The following WDR70 variants were observed in gnomAD, a reference collection of about 807,000 sequenced individuals.
WDR70 encodes WD repeat-containing protein 70.
In WDR70, 53 loss-of-function variants were observed where a neutral mutation model predicts 88.6. The ratio of observed to expected loss-of-function variants is 0.60; its 90% confidence interval spans 0.48 to 0.75. WDR70 has a LOEUF of 0.75. Ranked by LOEUF, WDR70 falls within the 30% of genes least tolerant of loss-of-function variation. The pLI, the probability that WDR70 is intolerant of heterozygous loss-of-function variation, is 0.00. For synonymous variants in WDR70, 280 were observed against 270.0 expected, an observed-to-expected ratio of 1.04 and a Z score of -0.36; for missense variants, 610 against 823.2, an observed-to-expected ratio of 0.74 and a Z score of 3.17.
At position 37,579,606 on chromosome 5, in the gene WDR70, AT is replaced by A. The variant is rs1235349388; in HGVS notation, c.918-25456del. ...TCAAAAAAAAAAAAAAAAAAAAAAA[AT>A]TCCAATTCTGACAATGAACAATTAG... On this transcript the variant is annotated intron_variant, in intron 9 of 17. Coordinates refer to ENST00000265107, the MANE Select transcript of WDR70 (RefSeq NM_018034.4). Among the ~76,000 whole-genome samples the A allele has an allele frequency of 6.1e-3, 873 of 143,018 alleles. 6 individuals are homozygous for A. Among genetic ancestry groups the A allele is most frequent in the African/African-American group, 0.021 (794 of 38,544 alleles). 93.8% of individuals were successfully genotyped at this position (143,018 alleles called of 152,430 possible).
intron 13 of WDR70, among the ~76,000 whole-genome samples, chr5:37,707,948 A>AAAATATAT (rs1561083728): frequency 5.9e-5 from 2 of 33,772 alleles, no homozygotes; most frequent in African/African-American, 1.0e-4. Flanking sequence ...AAAAAAAAAA[A>AAAATATAT]ATATATATAT....
intron 13 of WDR70, among the ~76,000 whole-genome samples, chr5:37,713,153 G>A (rs1380612443): frequency 6.6e-6 from 1 of 152,104 alleles, no homozygotes; most frequent in Non-Finnish European, 1.5e-5. Flanking sequence ...CTTTTCCTAT[G>A]ACCACCTATT....
At chr5:37,401,382 C>T (rs1004673560) in intron 5 of WDR70, among the ~76,000 whole-genome samples, 2 of 148,288 alleles carry the variant, frequency 1.3e-5, no homozygotes, top group Admixed American at 1.4e-4. Flanking sequence ...GTGGTGCAAT[C>T]TCGGCTCACT....
At chr5:37,704,662 A>G (rs1035158569) in intron 13 of WDR70, among the ~76,000 whole-genome samples, 1 of 152,210 alleles carries the variant, frequency 6.6e-6, no homozygotes, top group Non-Finnish European at 1.5e-5. Flanking sequence ...TGTTCACTGC[A>G]GTATCCTCGA....
intron 9 of WDR70, among the ~76,000 whole-genome samples, chr5:37,541,182 T>C (rs909828349): frequency 2.6e-5 from 4 of 152,340 alleles, no homozygotes; most frequent in Non-Finnish European, 5.9e-5. Flanking sequence ...GTGAGTGACT[T>C]AACCCATTTT....
intron 10 of WDR70, among the ~76,000 whole-genome samples, chr5:37,674,344 T>C (rs1746131071): frequency 6.6e-6 from 1 of 152,110 alleles, no homozygotes; most frequent in Non-Finnish European, 1.5e-5. Flanking sequence ...TAACTCGTCA[T>C]TTAGCATTAG....
In WDR70 at chr5:37,462,641, A is replaced by C. The variant is rs1739042928; in HGVS notation, c.687-17193A>C. On this transcript the variant is annotated intron_variant, in intron 7 of 17. Coordinates refer to ENST00000265107, the MANE Select transcript of WDR70 (RefSeq NM_018034.4). ...GTAAGTCTTGAGTATTTTGGTTAGC[A>C]ATAATTAAGACATGTACTAAACATA... Among the ~76,000 whole-genome samples, 3 of 152,250 alleles carry C rather than the reference A, an allele frequency of 2.0e-5. No homozygotes were observed. In the South Asian group the frequency reaches 6.2e-4, roughly 32 times the overall value.
chr5:37,398,223 A>G (rs1377247779), intron 5 of WDR70, among the ~76,000 whole-genome samples: 1 of 150,958 alleles, frequency 6.6e-6, no homozygotes, highest in Non-Finnish European at 1.5e-5. Flanking sequence ...TGAGTAGCTG[A>G]GACTACAGGC....
chr5:37,659,586 A>G (rs1457228465), intron 10 of WDR70, among the ~76,000 whole-genome samples: 1 of 152,210 alleles, frequency 6.6e-6, no homozygotes, highest in Non-Finnish European at 1.5e-5. Flanking sequence ...GGCTGCCATA[A>G]CAAAATACTT....
At chr5:37,389,951 A>G (rs1748760663) in intron 3 of WDR70, among the ~76,000 whole-genome samples, 2 of 152,048 alleles carry the variant, frequency 1.3e-5, no homozygotes, top group South Asian at 4.1e-4. Context: ...CTCATCCTCC[A>G]TGTCCCAGCA....
At position 37,483,832 on chromosome 5, in the gene WDR70, C is replaced by G. The variant is rs377538023; in HGVS notation, c.840+3845C>G. 5.8e-3 allele frequency among the ~76,000 whole-genome samples: 880 copies of G among 152,216 alleles called. 2 individuals carry two copies. Among genetic ancestry groups the G allele is most frequent in the Middle Eastern group, 0.02 (6 of 294 alleles). ...GGCCGGGCAGAGGGGCTCCTCACTT[C>G]TCAGACGGGGCGGCTGCCGGGTGGA... On this transcript the variant is annotated intron_variant, in intron 8 of 17. Transcript: ENST00000265107.
rs750258721 is a variant in WDR70, at chr5:37,722,942, G to A, written c.1597+8G>A. ...AGGACTACATCATCACCCGTAAGTC[G>A]TTAACATGCCTCTCAATCATGCATC... is the stretch of plus-strand genomic sequence containing the variant. On this transcript the variant is annotated splice_region_variant and intron_variant, in intron 15 of 17. Transcript: ENST00000265107. 27 of 1,613,232 alleles carry A rather than the reference G, an allele frequency of 1.7e-5. No homozygotes were observed. The East Asian group carries it at 2.2e-4, about 13-fold the overall frequency.
intron 8 of WDR70, chr5:37,506,820 T>C (rs1350544379): frequency 3.0e-6 from 4 of 1,326,362 alleles, no homozygotes; most frequent in South Asian, 1.2e-5. Flanking sequence ...CTTTCCGTTC[T>C]TGGGGGCTGC....
At chr5:37,580,871 T>A (rs1452637511) in intron 9 of WDR70, among the ~76,000 whole-genome samples, 1 of 152,234 alleles carries the variant, frequency 6.6e-6, no homozygotes, top group African/African-American at 2.4e-5. Context: ...ACACCTTACC[T>A]CATTCCAAAA....
chr5:37,391,804 G>C (rs1445267996), intron 3 of WDR70, among the ~76,000 whole-genome samples, 196 bp from the exon 4 acceptor site: 2 of 152,168 alleles, frequency 1.3e-5, no homozygotes, highest in East Asian at 3.8e-4. Flanking sequence ...TGGATCACGT[G>C]ATAATTCTAT....
intron 8 of WDR70, chr5:37,506,119 G>A (rs1009935048): frequency 9.8e-6 from 11 of 1,120,220 alleles, no homozygotes; most frequent in East Asian, 4.7e-5. Flanking sequence ...AGATTGCAGC[G>A]GCTTAAATTG....
intron 8 of WDR70, chr5:37,506,260 T>G: frequency 1.1e-6 from 1 of 923,352 alleles, no homozygotes; most frequent in Non-Finnish European, 1.8e-6. Context: ...TTTCGAGATA[T>G]TGGTGAATGA....
intron 9 of WDR70, among the ~76,000 whole-genome samples, chr5:37,576,038 C>T (rs1319757218): frequency 6.6e-6 from 1 of 151,220 alleles, no homozygotes; most frequent in Non-Finnish European, 1.5e-5. Context: ...TTCCTTCCTT[C>T]CTTCCTTCCT....
At chr5:37,670,038 G>A (rs1428105031) in intron 10 of WDR70, among the ~76,000 whole-genome samples, 1 of 152,176 alleles carries the variant, frequency 6.6e-6, no homozygotes, top group Non-Finnish European at 1.5e-5. Flanking sequence ...GGGAGTGATT[G>A]TGATTGCTCA....
Sources: gnomAD v4.1 joint callset for allele counts (sites outside exome capture counted in the v4.1 genomes callset) on GRCh38, gnomAD v4.1.1 for gene constraint, MANE v1.5 for transcripts, NCBI Gene and HGNC (gene_info 2026-07-23, HGNC 2026-07-21) for gene names.